UBE2K: variants seen among roughly 807,000 people sequenced by gnomAD.
UBE2K encodes the protein ubiquitin-conjugating enzyme E2 K.
UBE2K carries 6 observed loss-of-function variants against 30.0 expected under a neutral mutation model. The ratio of observed to expected loss-of-function variants is 0.20; its 90% CI spans 0.11 to 0.39. The LOEUF is 0.39. Among genes scored for constraint, UBE2K ranks in the 10% least tolerant of loss-of-function variants. UBE2K has a pLI of 1.00. For missense variants in UBE2K, 61 were observed against 241.6 expected (o/e 0.25, Z 4.96); for synonymous variants, 86 against 83.7 (o/e 1.03, Z -0.15).
At chr4:39,735,127 G>C (rs1269178574) in intron 1 of UBE2K, among the ~76,000 whole-genome samples, 4 of 152,192 alleles carry the variant, frequency 2.6e-5, no homozygotes, top group African/African-American at 7.2e-5. Flanking sequence ...GTTAACACTG[G>C]CTTCTTAAAT....
chr4:39,726,396 T>C (rs1399500859), intron 1 of UBE2K, among the ~76,000 whole-genome samples: 3 of 152,092 alleles, frequency 2.0e-5, no homozygotes, highest in Non-Finnish European at 4.4e-5. Context: ...TTCTTTTTCT[T>C]TTTTGTAGAG....
At chr4:39,776,991 A>G (rs559250262) in intron 5 of UBE2K, among the ~76,000 whole-genome samples, 1 of 152,320 alleles carries the variant, frequency 6.6e-6, no homozygotes, top group South Asian at 2.1e-4. Flanking sequence ...AGATTTAAAT[A>G]TATAAATTAC....
chr4:39,736,112 C>CTT (rs779117211), intron 1 of UBE2K, among the ~76,000 whole-genome samples: 1 of 151,388 alleles, frequency 6.6e-6, no homozygotes, highest in Non-Finnish European at 1.5e-5. Flanking sequence ...AAGCAAAAAA[C>CTT]ATAAGAGTAG....
chr4:39,739,867 G>A (rs754912426), intron 2 of UBE2K, among the ~76,000 whole-genome samples: 8 of 152,188 alleles, frequency 5.3e-5, no homozygotes, highest in Non-Finnish European at 7.3e-5. Context: ...GGGATTCTAG[G>A]CATGAGCCAT....
chr4:39,777,057 C>T (rs1457869646), intron 5 of UBE2K, among the ~76,000 whole-genome samples: 1 of 152,128 alleles, frequency 6.6e-6, no homozygotes, highest in Non-Finnish European at 1.5e-5. Flanking sequence ...CTTTGCTTTA[C>T]TAAGTAATGG....
chr4:39,764,542 C>T (rs1228330942), intron 4 of UBE2K, among the ~76,000 whole-genome samples: 2 of 151,612 alleles, frequency 1.3e-5, no homozygotes, highest in African/African-American at 2.4e-5. Flanking sequence ...ACCTTCCAGG[C>T]CCCAAGCATT....
intron 4 of UBE2K, chr4:39,770,878 C>G: frequency 6.5e-7 from 1 of 1,543,890 alleles, no homozygotes; most frequent in East Asian, 2.3e-5. Flanking sequence ...AAGTCCTCAT[C>G]CAGTGGGAAC....
intron 1 of UBE2K, among the ~76,000 whole-genome samples, chr4:39,728,827 G>GTTTTTTTTTTTTT (rs372834149): frequency 3.0e-4 from 39 of 128,630 alleles, no homozygotes; most frequent in East Asian, 1.1e-3. Flanking sequence ...TGTTTTTTTT[G>GTTTTTTTTTTTTT]TTTTTTTTTT....
chr4:39,710,452 G>C (rs1288756640), intron 1 of UBE2K, among the ~76,000 whole-genome samples: 1 of 151,898 alleles, frequency 6.6e-6, no homozygotes. Context: ...ATTTTTTGTG[G>C]AGTTGAGGTT....
At chr4:39,769,111 C>T (rs1420633661) in intron 4 of UBE2K, among the ~76,000 whole-genome samples, 1 of 151,930 alleles carries the variant, frequency 6.6e-6, no homozygotes, top group Admixed American at 6.6e-5. Flanking sequence ...GGATTACAGA[C>T]ATGAGCCACC....
intron 1 of UBE2K, among the ~76,000 whole-genome samples, chr4:39,705,479 G>A (rs1410658847): frequency 5.9e-5 from 9 of 151,806 alleles, no homozygotes; most frequent in East Asian, 1.9e-4. Context: ...GATTACAGGC[G>A]TGAGCCACCG....
intron 3 of UBE2K, among the ~76,000 whole-genome samples, chr4:39,754,537 G>C (rs896923976): frequency 6.6e-5 from 10 of 152,038 alleles, no homozygotes; most frequent in Non-Finnish European, 1.3e-4. Context: ...TTTCCAGTTG[G>C]TCGTGTTCTG....
chr4:39,736,795 T>A (rs913781288), intron 1 of UBE2K, among the ~76,000 whole-genome samples: 1 of 152,198 alleles, frequency 6.6e-6, no homozygotes, highest in African/African-American at 2.4e-5. Context: ...TTTAATAAAC[T>A]AAGCAGAAAA....
chr4:39,720,348 T>C (rs1247046059), intron 1 of UBE2K, among the ~76,000 whole-genome samples: 3 of 152,114 alleles, frequency 2.0e-5, no homozygotes, highest in Non-Finnish European at 4.4e-5. Context: ...TAGTTTTCCC[T>C]TTTGAAGATC....
chr4:39,765,938 T>TACATACATACATACATACATACAC (rs1258930076), intron 4 of UBE2K, among the ~76,000 whole-genome samples: 1 of 149,384 alleles, frequency 6.7e-6, no homozygotes, highest in African/African-American at 2.5e-5. Context: ...CATACATACA[T>TACATACATACATACATACATACAC]ACACACACAC....
chr4:39,742,729 A>T (rs1346783956), intron 2 of UBE2K, among the ~76,000 whole-genome samples: 1 of 151,972 alleles, frequency 6.6e-6, no homozygotes, highest in Non-Finnish European at 1.5e-5. Context: ...CAACAGAGTG[A>T]GAATCCGCCT....
intron 1 of UBE2K, among the ~76,000 whole-genome samples, chr4:39,702,987 C>T (rs1001101876): frequency 3.3e-5 from 5 of 151,978 alleles, no homozygotes; most frequent in African/African-American, 1.2e-4. Flanking sequence ...ATGTTGAGAA[C>T]TATGTAGACA....
Position 39,733,070 on chromosome 4 carries a change from AAAAAC to A in UBE2K, c.64-4347_64-4343del, listed in dbSNP as rs1720167388. On this transcript the variant is annotated intron_variant, in intron 1 of 6. Transcript: ENST00000261427. ...CATCAGGAAAAAAAAAAAAAAAAAA[AAAAAC>A]AACCAGAGGTCCCGCTATGTGTTTA... Among the ~76,000 whole-genome samples the A allele has an allele frequency of 2.0e-5, 3 of 151,038 alleles. No individual in the cohort carries two copies. The South Asian group carries it at 6.2e-4, about 31-fold the overall frequency.
intron 3 of UBE2K, among the ~76,000 whole-genome samples, chr4:39,754,452 A>G (rs1454190378): frequency 6.6e-6 from 1 of 152,238 alleles, no homozygotes; most frequent in Non-Finnish European, 1.5e-5. Flanking sequence ...AGAAGTCACA[A>G]AGAGAAGAGA....
Sources: allele counts gnomAD v4.1 joint callset (sites outside exome capture counted in the v4.1 genomes callset), GRCh38; gene constraint gnomAD v4.1.1; transcripts MANE v1.5; gene names NCBI Gene and HGNC (gene_info 2026-07-23, HGNC 2026-07-21).